Variants in SASH1 observed in about 807,000 individuals in gnomAD.
The protein encoded by SASH1 is SAM and SH3 domain-containing protein 1.
A neutral mutation model predicts 125.2 loss-of-function variants in SASH1; 44 were observed. The ratio of observed to expected loss-of-function variants is 0.35; its 90% CI spans 0.28 to 0.45. The LOEUF (loss-of-function observed/expected upper bound fraction) is 0.45, where lower values mean the gene tolerates loss of function less well. SASH1 is among the 20% of genes least tolerant of loss of function. SASH1 has a pLI of 1.00. For synonymous variants in SASH1, 639 were observed against 649.1 expected (o/e 0.98, Z 0.24); for missense variants, 1,426 against 1,614.5 (o/e 0.88, Z 2.00).
intron 2 of SASH1, among the ~76,000 whole-genome samples, chr6:148,431,616 G>A (rs1029685587): frequency 1.3e-5 from 2 of 151,852 alleles, no homozygotes; most frequent in South Asian, 2.1e-4. Context: ...TTGACTTTCA[G>A]GTTGCCCTGG....
At chr6:148,314,769 CTTTTT>C (rs34187478) in intron 1 of SASH1, among the ~76,000 whole-genome samples, 2 of 132,762 alleles carry the variant, frequency 1.5e-5, no homozygotes, top group Non-Finnish European at 1.6e-5. Context: ...GTATAAATGA[CTTTTT>C]TTTTTTTTTT....
rs775841453 is a variant in SASH1, at chr6:148,544,690, G to T, written c.3220G>T (p.Gly1074Cys). 7 of 1,612,726 alleles carry T rather than the reference G, an allele frequency of 4.3e-6. No homozygotes were observed. The South Asian group carries it at 7.7e-5, about 18-fold the overall frequency. Residue 1074 changes from glycine to cysteine, a missense_variant, in exon 18 of 20, where the codon GGT becomes TGT. Gly to Cys is a radical substitution (Grantham distance 159). Coordinates refer to ENST00000367467, the MANE Select transcript of SASH1 (RefSeq NM_015278.5). The surrounding 1 kb of genome is among the most constrained non-coding windows in gnomAD (Gnocchi z 6.4). ...CGAGAACACAAGCCTCCAGGAGCAC[G>T]GTGTGAAGCTGGGCCCGGCTTTGAC... ...LPENTSLQEH[G>C]VKLGPALTRK...
chr6:148,454,368 C>A (rs1184585778), intron 4 of SASH1, among the ~76,000 whole-genome samples: 4 of 152,224 alleles, frequency 2.6e-5, no homozygotes. Context: ...TTCTGCATTT[C>A]ATGTAAAATC....
intron 1 of SASH1, among the ~76,000 whole-genome samples, chr6:148,301,228 A>C (rs1779934344): frequency 6.9e-6 from 1 of 145,074 alleles, no homozygotes; most frequent in African/African-American, 2.7e-5. Context: ...CAGGAGGCTG[A>C]TGCAGGAGAA....
chr6:148,266,032 G>A, the SASH1 span, among the ~76,000 whole-genome samples: 2 of 151,822 alleles, frequency 1.3e-5, no homozygotes, highest in Admixed American at 6.6e-5. Context: ...GAGTGCAATG[G>A]CACAATCTCA....
At chr6:148,294,383 G>A (rs752790739) in intron 1 of SASH1, among the ~76,000 whole-genome samples, 9 of 152,150 alleles carry the variant, frequency 5.9e-5, no homozygotes, top group Non-Finnish European at 1.2e-4. Context: ...TTCCTTACGA[G>A]CTCTGAGACT....
chr6:148,393,855 C>A, intron 2 of SASH1: 1 of 278,778 alleles, frequency 3.6e-6, no homozygotes, highest in Non-Finnish European at 5.4e-6. Context: ...GCAAGTAAGA[C>A]CCCAAATTGG....
chr6:148,448,115 A>AGTGTGTGTGTGT (rs34309514), intron 4 of SASH1, among the ~76,000 whole-genome samples: 11 of 146,816 alleles, frequency 7.5e-5, no homozygotes, highest in South Asian at 2.2e-4. Context: ...CAGTGGAGAG[A>AGTGTGTGTGTGT]GTGTGTGTGT....
At chr6:148,515,801 A>T (rs867514845) in intron 9 of SASH1, among the ~76,000 whole-genome samples, 1 of 152,314 alleles carries the variant, frequency 6.6e-6, no homozygotes, top group African/African-American at 2.4e-5. Context: ...TGGAATTGCC[A>T]ACATTCAACT....
intron 1 of SASH1, among the ~76,000 whole-genome samples, chr6:148,367,193 G>C (rs6933127): frequency 0.054 from 8,180 of 152,056 alleles, 753 homozygotes; most frequent in African/African-American, 0.19. Context: ...CAAAGTGCGG[G>C]GATTACAGGC....
intron 7 of SASH1, among the ~76,000 whole-genome samples, chr6:148,487,023 A>G (rs1324290417): frequency 1.8e-5 from 2 of 110,616 alleles, no homozygotes; most frequent in Non-Finnish European, 3.9e-5. Flanking sequence ...GTTTTTATAT[A>G]TATATTTGTT....
At chr6:148,387,462 C>A (rs1783421855) in intron 1 of SASH1, among the ~76,000 whole-genome samples, 2 of 151,334 alleles carry the variant, frequency 1.3e-5, no homozygotes, top group African/African-American at 2.4e-5. Context: ...CTTTTCTTCT[C>A]TTTTCTCTTC....
At chr6:148,333,899 T>C (rs532241452) in intron 1 of SASH1, among the ~76,000 whole-genome samples, 1 of 151,970 alleles carries the variant, frequency 6.6e-6, no homozygotes, top group African/African-American at 2.4e-5. Context: ...CTCAGCTCAC[T>C]GCAAGCTCTG....
At chr6:148,339,952 G>A (rs1582985935), upstream of SASH1, among the ~76,000 whole-genome samples, 1 of 152,280 alleles carries the variant, frequency 6.6e-6, no homozygotes, top group Non-Finnish European at 1.5e-5. Flanking sequence ...CATTAGTATG[G>A]CCTTGCCTCA....
At chr6:148,245,846 G>A in the SASH1 span, among the ~76,000 whole-genome samples, 4 of 151,988 alleles carry the variant, frequency 2.6e-5, no homozygotes, top group Non-Finnish European at 5.9e-5. Context: ...AAAATTAGCC[G>A]GGCATGGTGG....
intron 2 of SASH1, among the ~76,000 whole-genome samples, chr6:148,431,109 A>G (rs954272983): frequency 6.6e-6 from 1 of 152,214 alleles, no homozygotes; most frequent in African/African-American, 2.4e-5. Context: ...AGTGGAATGG[A>G]TTCACTGGAT....
chr6:148,261,329 T>C, the SASH1 span, among the ~76,000 whole-genome samples: 1 of 152,180 alleles, frequency 6.6e-6, no homozygotes, highest in Non-Finnish European at 1.5e-5. Flanking sequence ...CTTTGACTCT[T>C]ACTTTCTATC....
chr6:148,421,152 A>G (rs1356699206), intron 2 of SASH1, among the ~76,000 whole-genome samples: 1 of 70,556 alleles, frequency 1.4e-5, no homozygotes, highest in African/African-American at 5.1e-5. Context: ...GAAGGAAGAA[A>G]GAAAGAAAGA....
chr6:148,267,815 G>A (rs571174942), upstream of SASH1, among the ~76,000 whole-genome samples: 17 of 152,232 alleles, frequency 1.1e-4, no homozygotes, highest in African/African-American at 3.4e-4. Context: ...ATCAGCCTTC[G>A]AAGGGAAGGG....
Sources: gnomAD v4.1 joint callset for allele counts (sites outside exome capture counted in the v4.1 genomes callset) on GRCh38, gnomAD v4.1.1 for gene constraint, Gnocchi (gnomAD v3.1) non-coding constraint, MANE v1.5 for transcripts, NCBI Gene and HGNC (gene_info 2026-07-23, HGNC 2026-07-21) for gene names.